LOC400499: variants seen among roughly 807,000 people sequenced by gnomAD.
At chr16:11,521,585 G>A in the LOC400499 span, among the ~76,000 whole-genome samples, 1 of 152,114 alleles carries the variant, frequency 6.6e-6, no homozygotes. Flanking sequence ...TTTGTCCAAA[G>A]GCTTGACTTG....
chr16:11,401,994 G>A, the LOC400499 span: 1 of 399,060 alleles, frequency 2.5e-6, no homozygotes, highest in Admixed American at 4.4e-5. Flanking sequence ...GCAGGGTGGA[G>A]TTCAGCTCTG....
the LOC400499 span, among the ~76,000 whole-genome samples, chr16:11,461,686 C>T: frequency 6.6e-6 from 1 of 152,172 alleles, no homozygotes; most frequent in East Asian, 1.9e-4. Flanking sequence ...CTCCCAGACA[C>T]CCACATCGGG....
chr16:11,519,490 A>G, the LOC400499 span, among the ~76,000 whole-genome samples: 1 of 152,062 alleles, frequency 6.6e-6, no homozygotes, highest in East Asian at 1.9e-4. Context: ...TAATCCCAGC[A>G]CTTTGGGAGG....
chr16:11,524,266 C>T, the LOC400499 span, among the ~76,000 whole-genome samples: 1 of 138,562 alleles, frequency 7.2e-6, no homozygotes, highest in East Asian at 2.2e-4. Context: ...CTCACCCACT[C>T]CCTCTCCTAT....
the LOC400499 span, among the ~76,000 whole-genome samples, chr16:11,504,048 C>A: frequency 1.3e-5 from 2 of 151,982 alleles, no homozygotes; most frequent in Non-Finnish European, 2.9e-5. Flanking sequence ...GGGGATGGTG[C>A]CTGCCCGGGA....
chr16:11,478,601 A>C, the LOC400499 span: 1 of 398,950 alleles, frequency 2.5e-6, no homozygotes, highest in African/African-American at 2.1e-5. Context: ...GTGGCCCCGC[A>C]GTTCACAAAG....
the LOC400499 span, among the ~76,000 whole-genome samples, chr16:11,504,706 T>C: frequency 6.6e-6 from 1 of 151,652 alleles, no homozygotes; most frequent in Non-Finnish European, 1.5e-5. Context: ...GCAGATCACT[T>C]GCGGTCAGGA....
chr16:11,499,558 C>T, the LOC400499 span, among the ~76,000 whole-genome samples: 3 of 152,078 alleles, frequency 2.0e-5, no homozygotes, highest in Non-Finnish European at 4.4e-5. Flanking sequence ...CACAGTCTAC[C>T]TGGAACAGCC....
At chr16:11,512,405 C>T in the LOC400499 span, among the ~76,000 whole-genome samples, 2 of 152,128 alleles carry the variant, frequency 1.3e-5, no homozygotes, top group African/African-American at 4.8e-5. Context: ...GAGTTTGAGA[C>T]CAGCCTGGCC....
chr16:11,438,312 C>T, the LOC400499 span, among the ~76,000 whole-genome samples: 85 of 152,210 alleles, frequency 5.6e-4, no homozygotes, highest in African/African-American at 2.0e-3. Flanking sequence ...GCTAGTGAAA[C>T]GGTGACCTGT....
At chr16:11,377,846 G>T in the LOC400499 span, among the ~76,000 whole-genome samples, 1 of 152,172 alleles carries the variant, frequency 6.6e-6, no homozygotes, top group African/African-American at 2.4e-5. Context: ...CAATGTTTTG[G>T]AAGAATATGA....
the LOC400499 span, among the ~76,000 whole-genome samples, chr16:11,411,982 C>T: frequency 1.3e-5 from 2 of 152,124 alleles, no homozygotes; most frequent in African/African-American, 4.8e-5. Context: ...CCTGCCTCAC[C>T]CTCCTGAGCA....
At chr16:11,496,449 AG>A in the LOC400499 span, among the ~76,000 whole-genome samples, 2 of 152,212 alleles carry the variant, frequency 1.3e-5, no homozygotes, top group Non-Finnish European at 2.9e-5. Flanking sequence ...CACTGTGTGA[AG>A]GTGTGAACAT....
the LOC400499 span, among the ~76,000 whole-genome samples, chr16:11,486,037 G>A: frequency 1.3e-5 from 2 of 152,120 alleles, no homozygotes; most frequent in African/African-American, 4.8e-5. Context: ...TTTGGTAAAT[G>A]GATTGAGTGA....
the LOC400499 span, among the ~76,000 whole-genome samples, chr16:11,509,712 T>C: frequency 4.6e-5 from 7 of 151,956 alleles, no homozygotes; most frequent in Non-Finnish European, 8.8e-5. Context: ...GCGCCTGTAA[T>C]CCCAGTTACA....
the LOC400499 span, chr16:11,471,529 C>G: frequency 2.5e-6 from 1 of 398,528 alleles, no homozygotes; most frequent in Non-Finnish European, 4.4e-6. Flanking sequence ...AAGAAACCTA[C>G]AGCAAGACCA....
At chr16:11,392,514 A>G in the LOC400499 span, 3 of 398,914 alleles carry the variant, frequency 7.5e-6, no homozygotes, top group Non-Finnish European at 1.3e-5. Context: ...GGAGCCAGAA[A>G]GGGACCTGCT....
the LOC400499 span, among the ~76,000 whole-genome samples, chr16:11,400,897 G>C: frequency 2.6e-5 from 4 of 152,094 alleles, no homozygotes; most frequent in Non-Finnish European, 4.4e-5. Flanking sequence ...AGAGGCGATA[G>C]GACACACCCG....
the LOC400499 span, among the ~76,000 whole-genome samples, chr16:11,501,467 C>T: frequency 4.6e-5 from 7 of 152,186 alleles, no homozygotes; most frequent in Non-Finnish European, 1.0e-4. Context: ...AGGTGATCCT[C>T]CCACTCAGCC....
Sources: allele counts gnomAD v4.1 joint callset (sites outside exome capture counted in the v4.1 genomes callset), GRCh38; gene constraint gnomAD v4.1.1; transcripts MANE v1.5.